SHE: variants seen among roughly 807,000 people sequenced by gnomAD.
SHE encodes the protein Src homology 2 domain containing E, also known as SH2 domain-containing adapter protein E.
SHE carries 11 observed loss-of-function variants against 49.8 expected under a neutral mutation model. The ratio of observed to expected loss-of-function variants is 0.22; its 90% CI spans 0.14 to 0.37. The LOEUF (loss-of-function observed/expected upper bound fraction) is 0.37. Among genes scored for constraint, SHE ranks in the 10% least tolerant of loss-of-function variants. SHE has a pLI of 1.00. For missense variants in SHE, 624 were observed against 655.5 expected (o/e 0.95, Z 0.52); for synonymous variants, 310 against 278.1 (o/e 1.11, Z -1.14).
intron 2 of SHE, among the ~76,000 whole-genome samples, chr1:154,498,268 T>A (rs1001230334): frequency 2.0e-5 from 3 of 150,554 alleles, no homozygotes; most frequent in African/African-American, 7.3e-5. Flanking sequence ...AATTTTGTAT[T>A]TTTTTTTAGT....
chr1:154,500,627 A>G (rs1452801658), intron 1 of SHE, among the ~76,000 whole-genome samples: 3 of 152,222 alleles, frequency 2.0e-5, no homozygotes, highest in Non-Finnish European at 4.4e-5. Context: ...GAGAGAAGAT[A>G]AAAACAACCA....
intron 2 of SHE, among the ~76,000 whole-genome samples, chr1:154,489,753 A>G (rs565668211): frequency 2.0e-5 from 3 of 152,282 alleles, no homozygotes; most frequent in African/African-American, 7.2e-5. Context: ...ACATCTTGTC[A>G]GGAAGCCCAG....
Position 154,480,553 on chromosome 1 carries a change from C to T in SHE, c.*3596G>A, listed in dbSNP as rs1021482134. On this transcript the variant is annotated 3_prime_UTR_variant, in exon 6 of 6. Transcript: ENST00000304760. ...AACTCCTGGCTGCCCCTATCAGCTA[C>T]CTGCCCACCTCCCCATCCTGCGGCA... 12 of 985,522 alleles carry T rather than the reference C, an allele frequency of 1.2e-5. No individual in the cohort carries two copies. The East Asian group carries it at 7.9e-4, about 65-fold the overall frequency. 61.0% of individuals were successfully genotyped at this position (985,522 alleles called of 1,614,324 possible).
intron 1 of SHE, among the ~76,000 whole-genome samples, chr1:154,472,491 G>C (rs911834489): frequency 9.2e-5 from 14 of 152,222 alleles, no homozygotes; most frequent in African/African-American, 3.1e-4. Context: ...TCCATCCTGA[G>C]AGTGGCTGGA....
intron 2 of SHE, among the ~76,000 whole-genome samples, chr1:154,493,664 T>A (rs1364204424): frequency 1.3e-5 from 2 of 152,206 alleles, no homozygotes; most frequent in African/African-American, 4.8e-5. Context: ...TGCAGGTAAT[T>A]ATGTCATTCA....
At chr1:154,473,696 C>T (rs958798991) in intron 1 of SHE, among the ~76,000 whole-genome samples, 9 of 151,556 alleles carry the variant, frequency 5.9e-5, no homozygotes, top group East Asian at 1.9e-4. Context: ...CGTAGCTCCT[C>T]GGGAGGCTGA....
chr1:154,500,740 G>C (rs915649079), intron 1 of SHE, among the ~76,000 whole-genome samples: 3 of 152,200 alleles, frequency 2.0e-5, no homozygotes, highest in African/African-American at 7.2e-5. Context: ...AAAACCTCCA[G>C]TGTGTCCGTC....
In SHE at chr1:154,496,742, G is replaced by C. The variant is rs1320701626; in HGVS notation, c.718+2370C>G. Reference sequence around the variant, plus strand: ...TCCCCTAGCTTATAGAGCTCTTGTGGGAATTACATGAAAAAAAAAACAAAA... The same window carrying C: ...TCCCCTAGCTTATAGAGCTCTTGTGCGAATTACATGAAAAAAAAAACAAAA... On this transcript the variant is annotated intron_variant, in intron 2 of 5. Coordinates refer to ENST00000304760, the MANE Select transcript of SHE (RefSeq NM_001010846.3). 2.1e-5 allele frequency among the ~76,000 whole-genome samples: 3 copies of C among 139,816 alleles called. No individual in the cohort carries two copies. The East Asian group carries it at 6.8e-4, about 32-fold the overall frequency. The allele number at this position is 139,816 out of a possible 152,430, so 91.7% of individuals were successfully genotyped here.
intron 1 of SHE, among the ~76,000 whole-genome samples, chr1:154,474,059 C>A (rs1488375178): frequency 6.6e-6 from 1 of 152,228 alleles, no homozygotes; most frequent in East Asian, 1.9e-4. Context: ...GGGGCTCCGG[C>A]CCCCAGCCAC....
chr1:154,495,435 A>G (rs1692496916), intron 2 of SHE, among the ~76,000 whole-genome samples: 1 of 152,186 alleles, frequency 6.6e-6, no homozygotes, highest in African/African-American at 2.4e-5. Context: ...TAATTTACTC[A>G]TAAACTCATA....
chr1:154,501,487 G>C lies in SHE; in HGVS notation c.540C>G (p.Ser180=). ...CCTTGTCCAGCTCGGGCCCCAGGGA[G>C]GAAGGGGAAGAGGACGCGGAGGAAG... is the stretch of plus-strand genomic sequence containing the variant. ...SSSSSASSSP[S]SLGPELDKGK... Residue 180 remains serine (S), a synonymous_variant, in exon 1 of 6, where the codon TCC becomes TCG. Transcript: ENST00000304760. 1.9e-6 allele frequency: 3 copies of C among 1,614,200 alleles called. No individual in the cohort carries two copies. Among genetic ancestry groups the C allele is most frequent in the Middle Eastern group, 3.3e-4 (2 of 6,062 alleles).
At chr1:154,485,690 T>G (rs1692154726) in intron 5 of SHE, 1 of 400,376 alleles carries the variant, frequency 2.5e-6, no homozygotes, top group Admixed American at 3.5e-5. Flanking sequence ...TAATGTAAGG[T>G]AGACATTGAC....
chr1:154,489,199 AGTGTCGTATAGCT>A lies in SHE; in HGVS notation c.863_875del (p.Gln288LeufsTer66). 6.2e-7 allele frequency: 1 copy of A among 1,613,954 alleles called. No homozygotes were observed. On this transcript the variant is annotated frameshift_variant, in exon 3 of 6. Transcript: ENST00000304760. LOFTEE classifies it high-confidence loss of function. ...GCCCCCCTTCTGCAGGCTCGTAGGG[AGTGTCGTATAGCT>A]GTGGCGGCTTCCCCAGGAGGTCCTT...
chr1:154,486,503 C>T, intron 4 of SHE, 24 bp downstream of exon 4: 3 of 1,612,176 alleles, frequency 1.9e-6, no homozygotes, highest in Non-Finnish European at 8.5e-7. Context: ...TTGTCTGTTA[C>T]AAGGATCTGA....
intron 1 of SHE, among the ~76,000 whole-genome samples, chr1:154,501,027 C>T (rs1017498922): frequency 1.1e-4 from 17 of 152,184 alleles, no homozygotes; most frequent in African/African-American, 3.9e-4. Context: ...AAATGCATAT[C>T]TACACACTTG....
intron 2 of SHE, among the ~76,000 whole-genome samples, chr1:154,490,482 C>T (rs1394089476): frequency 6.6e-6 from 1 of 152,198 alleles, no homozygotes; most frequent in Non-Finnish European, 1.5e-5. Flanking sequence ...AAGCTATACT[C>T]TTAGCCACTA....
At chr1:154,500,667 G>A (rs529707256) in intron 1 of SHE, among the ~76,000 whole-genome samples, 1 of 152,316 alleles carries the variant, frequency 6.6e-6, no homozygotes, top group African/African-American at 2.4e-5. Context: ...AGCAAGAATG[G>A]AGGGAGTCCC....
intron 2 of SHE, among the ~76,000 whole-genome samples, chr1:154,494,147 C>T (rs56860243): frequency 0.029 from 4,405 of 152,140 alleles, 219 homozygotes; most frequent in African/African-American, 0.1. Flanking sequence ...CAGGGCTGCC[C>T]GACAATTTTT....
chr1:154,482,240 C>T lies in SHE; in HGVS notation c.*1909G>A. The T allele has an allele frequency of 6.2e-6, 5 of 807,480 alleles. No individual in the cohort carries two copies. The highest frequency in any genetic ancestry group is 7.5e-6 in the Non-Finnish European group (5 of 667,660). The allele number at this position is 807,480 out of a possible 1,614,324, so 50.0% of individuals were successfully genotyped here. ...TGTTGGCCAGGCTGGTCTCAAACTC[C>T]TGACCTCACGTGATCTGCCTGCCTC... On this transcript the variant is annotated 3_prime_UTR_variant, in exon 6 of 6. Coordinates refer to ENST00000304760, the MANE Select transcript of SHE (RefSeq NM_001010846.3).
Sources: allele counts gnomAD v4.1 joint callset (sites outside exome capture counted in the v4.1 genomes callset), GRCh38; gene constraint gnomAD v4.1.1; transcripts MANE v1.5; gene names NCBI Gene and HGNC (gene_info 2026-07-23, HGNC 2026-07-21).